Variants in CDH26 observed in about 807,000 individuals in gnomAD.
The protein encoded by CDH26 is cadherin-like protein 26.
A neutral mutation model predicts 90.3 loss-of-function variants in CDH26; 83 were observed. The ratio of observed to expected loss-of-function variants is 0.92; its 90% CI spans 0.77 to 1.10. The LOEUF is 1.10. Among genes scored for constraint, CDH26 ranks in the 50% least tolerant of loss-of-function variants. CDH26 has a pLI of 0.00. For missense variants in CDH26, 1,013 were observed against 1,037.6 expected (o/e 0.98, Z 0.33); for synonymous variants, 397 against 396.3 (o/e 1.00, Z -0.02).
intron 7 of CDH26, among the ~76,000 whole-genome samples, chr20:60,021,849 T>TGC (rs2061953415): frequency 2.3e-5 from 1 of 42,628 alleles, no homozygotes; most frequent in Non-Finnish European, 5.5e-5. Context: ...TCCTTATCTG[T>TGC]ACACACACAC....
At chr20:59,983,155 G>A (rs2061414434) in intron 5 of CDH26, 85 bp downstream of exon 5, 1 of 1,472,416 alleles carries the variant, frequency 6.8e-7, no homozygotes, top group Non-Finnish European at 9.2e-7. Context: ...CTTGATCCTA[G>A]TCATCTTCAG....
chr20:60,016,068 T>G (rs2061903347), downstream of CDH26, among the ~76,000 whole-genome samples: 1 of 152,232 alleles, frequency 6.6e-6, no homozygotes, highest in Admixed American at 6.5e-5. Flanking sequence ...CCTTGTAACT[T>G]TGTCTTTTGT....
intron 1 of CDH26, among the ~76,000 whole-genome samples, chr20:59,966,073 A>T (rs1472891328): frequency 6.6e-6 from 1 of 152,106 alleles, no homozygotes; most frequent in African/African-American, 2.4e-5. Context: ...TTTTTGCTTG[A>T]AAGATTACAT....
intron 4 of CDH26, among the ~76,000 whole-genome samples, chr20:59,981,308 T>C (rs1011797642): frequency 7.2e-5 from 11 of 152,196 alleles, no homozygotes; most frequent in Non-Finnish European, 1.2e-4. Context: ...GCTGACTTTA[T>C]AGGTCAATTT....
intron 7 of CDH26, among the ~76,000 whole-genome samples, chr20:60,024,203 A>G (rs560630458): frequency 6.6e-6 from 1 of 152,360 alleles, no homozygotes; most frequent in African/African-American, 2.4e-5. Flanking sequence ...GGAACAACCA[A>G]CCTTCAAAGC....
chr20:60,033,724 C>G, exon 9 of CDH26: 2 of 1,263,782 alleles, frequency 1.6e-6, no homozygotes, highest in Non-Finnish European at 2.1e-6. Flanking sequence ...GCGGTGAGGG[C>G]CTTGGAAATG....
rs758555208 is a variant in CDH26, at chr20:60,012,623, T to C, written c.2392T>C (p.Ser798Pro). ...GTGTGGAGGGGCCCCATCCCTCAGC[T>C]CTCTGGCCAGCTTGGAACAGGAGTT... ...GECGGAPSLS[S>P]LASLEQELQP... The change falls in exon 18 of 18, where the codon TCT becomes CCT. Residue 798 changes from serine to proline, a missense_variant. Physicochemically the swap from Ser to Pro is moderately conservative, Grantham distance 74 (BLOSUM62 -1). Coordinates refer to ENST00000348616, the MANE Select transcript of CDH26 (RefSeq NM_177980.4). The C allele has an allele frequency of 6.2e-7, 1 of 1,613,950 alleles. No homozygotes were observed. Among genetic ancestry groups the C allele is most frequent in the Non-Finnish European group, 8.5e-7 (1 of 1,179,982 alleles).
exon 9 of CDH26, chr20:60,033,678 CAG>C (rs1403358907): frequency 1.5e-6 from 2 of 1,303,402 alleles, no homozygotes; most frequent in South Asian, 1.2e-5. Flanking sequence ...TCAGGCTGAG[CAG>C]AGAGTACGGT....
chr20:60,027,671 G>A (rs140782103), intron 7 of CDH26, among the ~76,000 whole-genome samples: 234 of 152,280 alleles, frequency 1.5e-3, no homozygotes, highest in African/African-American at 5.4e-3. Flanking sequence ...ATCCCAGAGA[G>A]GTATAGACTA....
chr20:60,035,183 AG>A (rs1490866144), downstream of CDH26, among the ~76,000 whole-genome samples: 1 of 152,216 alleles, frequency 6.6e-6, no homozygotes, highest in East Asian at 1.9e-4. Context: ...TAACTTAAGC[AG>A]TTTTCTGCTG....
In CDH26 at chr20:60,013,908, T is replaced by A. The variant is rs532531128; in HGVS notation, c.*1178T>A. Reference sequence around the variant, plus strand: ...AGAAGAAAAATCACATTTAAAGCACTGGAATGTCTGAATGGGACGCTTGAA... The same window carrying A: ...AGAAGAAAAATCACATTTAAAGCACAGGAATGTCTGAATGGGACGCTTGAA... On this transcript the variant is annotated 3_prime_UTR_variant, in exon 18 of 18. Transcript: ENST00000348616. The A allele has an allele frequency of 9.9e-5, 15 of 152,156 alleles. No homozygotes were observed. The highest frequency in any genetic ancestry group is 1.9e-4 in the Non-Finnish European group (13 of 68,034). The allele number at this position is 152,156 out of a possible 1,614,324, so 9.4% of individuals were successfully genotyped here.
At chr20:59,997,829 G>A (rs1032480786) in intron 13 of CDH26, among the ~76,000 whole-genome samples, 2 of 152,252 alleles carry the variant, frequency 1.3e-5, no homozygotes, top group African/African-American at 4.8e-5. Context: ...TGATGCTCCT[G>A]TAATTAGAGA....
chr20:59,989,484 C>A (rs6071061), intron 9 of CDH26, among the ~76,000 whole-genome samples: 1,502 of 149,328 alleles, frequency 0.01, 14 homozygotes, highest in Middle Eastern at 0.017. Flanking sequence ...GCCGAGATTG[C>A]GCCACTGCAG....
In CDH26 at chr20:60,013,785, T is replaced by G. The variant is rs2146025421; in HGVS notation, c.*1055T>G. 1 of 152,346 alleles carries G rather than the reference T, an allele frequency of 6.6e-6. No homozygotes were observed. Among genetic ancestry groups the G allele is most frequent in the African/African-American group, 2.4e-5 (1 of 41,576 alleles). The allele number at this position is 152,346 out of a possible 1,614,324, so 9.4% of individuals were successfully genotyped here. A position where few individuals can be genotyped will look rare whatever the true frequency, so the allele number is the denominator to read the frequency against. ...ACAGCTCAGAGTTAAAACTTTCTCC[T>G]TCTTTTTGAAGAAGCTGTGCAAATA... On this transcript the variant is annotated 3_prime_UTR_variant, in exon 18 of 18. Transcript: ENST00000348616.
At chr20:60,000,274 C>T (rs148271991) in intron 14 of CDH26, among the ~76,000 whole-genome samples, 19 of 152,266 alleles carry the variant, frequency 1.2e-4, no homozygotes, top group African/African-American at 3.4e-4. Flanking sequence ...ATTTTCTCAC[C>T]GTGCAAATCA....
At chr20:60,018,702 C>T (rs563826820), downstream of CDH26, among the ~76,000 whole-genome samples, 1 of 17,814 alleles carries the variant, frequency 5.6e-5, no homozygotes, top group African/African-American at 2.3e-4. Context: ...CTCTTACTGC[C>T]TTTTTTTTTT....
chr20:60,033,639 C>T (rs988976230), exon 9 of CDH26: 29 of 1,304,518 alleles, frequency 2.2e-5, no homozygotes, highest in South Asian at 1.1e-4. Context: ...AGAGGAGAAT[C>T]GGCAGGTGGT....
intron 1 of CDH26, among the ~76,000 whole-genome samples, chr20:59,959,085 G>A (rs372675494): frequency 7.9e-5 from 12 of 152,228 alleles, no homozygotes; most frequent in South Asian, 4.1e-4. Flanking sequence ...CAACACACAC[G>A]TGTTTTCTTT....
In CDH26 at chr20:59,992,689, A is replaced by T. The variant is rs917232770; in HGVS notation, c.1426+169A>T. Reference sequence around the variant, plus strand: ...TTTTGGTAATAATTCTTAAAATGGTAAACAAGGGACCAATACCATCGAAAG... The same window carrying T: ...TTTTGGTAATAATTCTTAAAATGGTTAACAAGGGACCAATACCATCGAAAG... On this transcript the variant is annotated intron_variant, in intron 10 of 17. Transcript: ENST00000348616. This position sits in a 1 kb window ranked among gnomAD's most constrained non-coding sequence, Gnocchi z 5.0. Among the ~76,000 whole-genome samples, 7 of 152,210 alleles carry T rather than the reference A, an allele frequency of 4.6e-5. No homozygotes were observed. Among genetic ancestry groups the T allele is most frequent in the Non-Finnish European group, 1.5e-5 (1 of 68,024 alleles).
Sources: gnomAD v4.1 joint callset for allele counts (sites outside exome capture counted in the v4.1 genomes callset) on GRCh38, gnomAD v4.1.1 for gene constraint, Gnocchi (gnomAD v3.1) non-coding constraint, MANE v1.5 for transcripts, NCBI Gene and HGNC (gene_info 2026-07-23, HGNC 2026-07-21) for gene names.